The following LMAN2 variants were observed in gnomAD, a reference collection of about 807,000 sequenced individuals.
LMAN2 encodes the protein vesicular integral-membrane protein VIP36.
A neutral mutation model predicts 39.3 loss-of-function variants in LMAN2; 22 were observed. The observed-to-expected ratio is 0.56, with a 90% CI of 0.40 to 0.80. LMAN2 has a LOEUF of 0.80. Among genes scored for constraint, LMAN2 ranks in the 30% least tolerant of loss-of-function variants. The probability of loss-of-function intolerance (pLI) is 0.00; values close to 1 mark genes in which losing one functional copy is unlikely to be tolerated. For missense variants in LMAN2, 494 were observed against 505.4 expected (o/e 0.98, Z 0.22); for synonymous variants, 207 against 207.8 (o/e 1.00, Z 0.03).
In LMAN2 at chr5:177,332,292, G is replaced by A. The variant is rs775462723; in HGVS notation, c.911-46C>T. ...GAGCTGAAACGGCAGCACGGGCCGG[G>A]GATCAGGGGGCTGCAGGAGGGCAGT... is the stretch of plus-strand genomic sequence containing the variant. On this transcript the variant is annotated intron_variant, in intron 7 of 7. Coordinates refer to ENST00000303127, the MANE Select transcript of LMAN2 (RefSeq NM_006816.3). This position sits in a 1 kb window ranked among gnomAD's most constrained non-coding sequence, Gnocchi z 6.3. 2 of 1,577,330 alleles carry A rather than the reference G, an allele frequency of 1.3e-6. No homozygotes were observed. Among genetic ancestry groups the A allele is most frequent in the African/African-American group, 2.7e-5 (2 of 74,302 alleles).
chr5:177,340,833 C>T (rs1026450982), intron 2 of LMAN2, among the ~76,000 whole-genome samples: 3 of 151,292 alleles, frequency 2.0e-5, no homozygotes, highest in African/African-American at 7.3e-5. Flanking sequence ...CTGCTCACTG[C>T]GAGCTCTGCC....
chr5:177,344,783 G>A lies in LMAN2; in HGVS notation c.316-6178C>T, dbSNP rs535581584. Among the ~76,000 whole-genome samples, 27 of 151,842 alleles carry A rather than the reference G, an allele frequency of 1.8e-4. No individual in the cohort carries two copies. The East Asian group carries it at 5.2e-3, about 29-fold the overall frequency. ...TAGCCGGGTGCGGTGGCGGGCGCCTGTAGTCCCAGCTACTAGGGAGGCTGA... is the reference window on the plus strand; with the variant it reads ...TAGCCGGGTGCGGTGGCGGGCGCCTATAGTCCCAGCTACTAGGGAGGCTGA... On this transcript the variant is annotated intron_variant, in intron 2 of 7. Transcript: ENST00000303127.
rs187531446 is a variant in LMAN2 at position 177,336,929 on chromosome 5, G to A, written c.790+207C>T. The A allele has an allele frequency of 8.3e-3, 4,894 of 592,680 alleles. 62 individuals carry two copies. Among genetic ancestry groups the A allele is most frequent in the Non-Finnish European group, 0.01 (3,362 of 333,304 alleles). 36.7% of individuals were successfully genotyped at this position (592,680 alleles called of 1,614,324 possible). A position where few individuals can be genotyped will look rare whatever the true frequency, so the allele number is the denominator to read the frequency against. On this transcript the variant is annotated intron_variant, in intron 6 of 7. Transcript: ENST00000303127. Reference sequence around the variant, plus strand: ...AGGCCCGGACAGGCCATTTACAGAAGAAAGGAGGAGGAGGAACACAGCCAG... The same window carrying A: ...AGGCCCGGACAGGCCATTTACAGAAAAAAGGAGGAGGAGGAACACAGCCAG...
At chr5:177,334,236 T>G (rs762721445) in intron 7 of LMAN2, 48 bp downstream of exon 7, 4 of 1,572,422 alleles carry the variant, frequency 2.5e-6, no homozygotes, top group Admixed American at 3.6e-5. Flanking sequence ...CACCCCATTC[T>G]GGGTCAGGCC....
intron 2 of LMAN2, among the ~76,000 whole-genome samples, chr5:177,344,222 TAAA>T (rs529854661): frequency 9.2e-5 from 12 of 129,890 alleles, no homozygotes; most frequent in African/African-American, 3.4e-4. Flanking sequence ...CCCCCATCTC[TAAA>T]AAAAAAAAAA....
At position 177,337,537 on chromosome 5, in the gene LMAN2, C is replaced by T. The variant is rs1350781233; in HGVS notation, c.514-13G>A. 4.3e-6 allele frequency: 7 copies of T among 1,613,170 alleles called. No individual in the cohort carries two copies. Among genetic ancestry groups the T allele is most frequent in the South Asian group, 1.1e-5 (1 of 91,064 alleles). On this transcript the variant is annotated splice_polypyrimidine_tract_variant and intron_variant, in intron 4 of 7. Coordinates refer to ENST00000303127, the MANE Select transcript of LMAN2 (RefSeq NM_006816.3). This position sits in a 1 kb window ranked among gnomAD's most constrained non-coding sequence, Gnocchi z 8.2. ...ACGGGAACACGCGCTGGGACCAAGA[C>T]ATCGGTTACTCCACAAGCAGCCCAG...
chr5:177,349,111 C>A (rs913307376), intron 2 of LMAN2, among the ~76,000 whole-genome samples: 3 of 152,124 alleles, frequency 2.0e-5, no homozygotes, highest in Non-Finnish European at 2.9e-5. Context: ...GCACAAGACC[C>A]CCAAAAGGAC....
rs140924639 is a variant in LMAN2, at chr5:177,346,651, T to C, written c.315+4522A>G. Among the ~76,000 whole-genome samples the C allele has an allele frequency of 2.2e-3, 342 of 152,046 alleles. 1 individual carries two copies. Among genetic ancestry groups the C allele is most frequent in the African/African-American group, 7.8e-3 (323 of 41,458 alleles). ...AACTACAAAGATGCAGACAAATCCA[T>C]ATACAGAAATTTTTTTAACACTTTT... On this transcript the variant is annotated intron_variant, in intron 2 of 7. Coordinates refer to ENST00000303127, the MANE Select transcript of LMAN2 (RefSeq NM_006816.3).
At chr5:177,346,641 G>T (rs1761642145) in intron 2 of LMAN2, among the ~76,000 whole-genome samples, 2 of 151,654 alleles carry the variant, frequency 1.3e-5, no homozygotes, top group Non-Finnish European at 2.9e-5. Flanking sequence ...CAAAGATGCA[G>T]ACAAATCCAT....
At chr5:177,343,226 G>A (rs1761583689) in intron 2 of LMAN2, among the ~76,000 whole-genome samples, 1 of 152,214 alleles carries the variant, frequency 6.6e-6, no homozygotes, top group Non-Finnish European at 1.5e-5. Flanking sequence ...CTGCACTCCA[G>A]CCTGGCGACA....
At chr5:177,350,896 C>T (rs1761711994) in intron 2 of LMAN2, among the ~76,000 whole-genome samples, 2 of 152,172 alleles carry the variant, frequency 1.3e-5, no homozygotes, top group Admixed American at 1.3e-4. Context: ...CCCTTTCAAA[C>T]CTGAGTCTTA....
At chr5:177,343,966 T>C (rs913589655) in intron 2 of LMAN2, among the ~76,000 whole-genome samples, 35 of 151,968 alleles carry the variant, frequency 2.3e-4, no homozygotes, top group African/African-American at 8.2e-4. Context: ...TCCCAGCACT[T>C]TGGGAGGCCA....
At position 177,351,433 on chromosome 5, in the gene LMAN2, C is replaced by T. The variant is rs1032072770; in HGVS notation, c.196+19G>A. The T allele has an allele frequency of 1.9e-6, 3 of 1,609,720 alleles. No individual in the cohort carries two copies. In the Middle Eastern group the frequency reaches 5.0e-4, roughly 269 times the overall value. ...GCCTCGCCCTCACTCTTCACTCATTCCCGCCCCAAGGGCTTCACCTTGGTA... is the reference window on the plus strand; with the variant it reads ...GCCTCGCCCTCACTCTTCACTCATTTCCGCCCCAAGGGCTTCACCTTGGTA... On this transcript the variant is annotated intron_variant, in intron 1 of 7. Transcript: ENST00000303127.
chr5:177,341,453 G>A (rs910685702), intron 2 of LMAN2, among the ~76,000 whole-genome samples: 9 of 152,318 alleles, frequency 5.9e-5, no homozygotes, highest in East Asian at 3.9e-4. Flanking sequence ...CCTGACACCC[G>A]GCTTCACGGC....
At chr5:177,333,647 C>T (rs1333732849) in intron 7 of LMAN2, among the ~76,000 whole-genome samples, 1 of 152,222 alleles carries the variant, frequency 6.6e-6, no homozygotes, top group Non-Finnish European at 1.5e-5. Context: ...GGCTGGACCC[C>T]CAGGCACACA....
chr5:177,336,987 G>A, intron 6 of LMAN2, 149 bp downstream of exon 6: 2 of 636,984 alleles, frequency 3.1e-6, no homozygotes, highest in African/African-American at 1.8e-5. Context: ...CTGAGGCCCG[G>A]ACAGGCCATT....
At position 177,332,334 on chromosome 5, in the gene LMAN2, A is replaced by G. The variant is rs1561602482; in HGVS notation, c.911-88T>C. ...GAGGGCAGTGGGGATGGAACAGGAC[A>G]GCCGGCCACGGTGGGCAGGCCGGTC... is the stretch of plus-strand genomic sequence containing the variant. On this transcript the variant is annotated intron_variant, in intron 7 of 7. Transcript: ENST00000303127. This position sits in a 1 kb window ranked among gnomAD's most constrained non-coding sequence, Gnocchi z 6.3. 7.8e-7 allele frequency: 1 copy of G among 1,286,172 alleles called. No homozygotes were observed. Among genetic ancestry groups the G allele is most frequent in the East Asian group, 2.4e-5 (1 of 41,050 alleles). The allele number at this position is 1,286,172 out of a possible 1,614,324, so 79.7% of individuals were successfully genotyped here. A position where few individuals can be genotyped will look rare whatever the true frequency, so the allele number is the denominator to read the frequency against.
intron 2 of LMAN2, among the ~76,000 whole-genome samples, chr5:177,350,066 G>T (rs1324140103): frequency 6.6e-6 from 1 of 152,224 alleles, no homozygotes; most frequent in Non-Finnish European, 1.5e-5. Context: ...CCCCTTCACA[G>T]GGGACTCCAC....
rs142371747 is a variant in LMAN2 at position 177,332,776 on chromosome 5, C to T, written c.911-530G>A. Among the ~76,000 whole-genome samples, 78 of 152,274 alleles carry T rather than the reference C, an allele frequency of 5.1e-4. No individual in the cohort carries two copies. Among genetic ancestry groups the T allele is most frequent in the Non-Finnish European group, 9.1e-4 (62 of 68,008 alleles). On this transcript the variant is annotated intron_variant, in intron 7 of 7. Transcript: ENST00000303127. The surrounding 1 kb of genome is among the most constrained non-coding windows in gnomAD (Gnocchi z 6.3). ...CACACAAGGTTCCCACAGGTCCTGC[C>T]CATCCTGGGATGGGGCCCACTGGTA...
Sources: gnomAD v4.1 joint callset for allele counts (sites outside exome capture counted in the v4.1 genomes callset) on GRCh38, gnomAD v4.1.1 for gene constraint, Gnocchi (gnomAD v3.1) non-coding constraint, MANE v1.5 for transcripts, NCBI Gene and HGNC (gene_info 2026-07-23, HGNC 2026-07-21) for gene names.